The following COL4A5 variants were observed in gnomAD, a reference collection of about 807,000 sequenced individuals.
COL4A5 encodes the protein collagen type IV alpha 5 chain, also known as collagen alpha-5(IV) chain.
Under a neutral mutation model 130.2 loss-of-function variants are expected in COL4A5, and 26 were observed. The observed-to-expected ratio is 0.20, with a 90% CI of 0.15 to 0.28. The LOEUF (loss-of-function observed/expected upper bound fraction) is 0.28, where lower values mean the gene tolerates loss of function less well. Ranked by LOEUF, COL4A5 falls within the 10% of genes least tolerant of loss-of-function variation. The probability of loss-of-function intolerance (pLI) is 1.00; values close to 1 mark genes in which losing one functional copy is unlikely to be tolerated. For missense variants in COL4A5, 1,131 were observed against 1,344.3 expected (o/e 0.84, Z 2.48); for synonymous variants, 496 against 439.6 (o/e 1.13, Z -1.60).
chrX:108,585,829 A>T (rs1360764170), intron 18 of COL4A5, among the ~76,000 whole-genome samples: 1 of 111,448 alleles, frequency 9.0e-6, no homozygotes, highest in Non-Finnish European at 1.9e-5. Context: ...TTTTATTTTT[A>T]AATTTTTTTG....
At chrX:108,654,521 A>G (rs1471745583) in intron 36 of COL4A5, among the ~76,000 whole-genome samples, 1 of 112,598 alleles carries the variant, frequency 8.9e-6, no homozygotes, top group Non-Finnish European at 1.9e-5. Flanking sequence ...TCACGGCTCA[A>G]TATAGCCTTG....
At chrX:108,450,109 TTGAG>T (rs1475491293) in intron 1 of COL4A5, among the ~76,000 whole-genome samples, 1 of 111,925 alleles carries the variant, frequency 8.9e-6, no homozygotes, top group Non-Finnish European at 1.9e-5. Context: ...ATTTTGACCC[TTGAG>T]TGTATGTCTT....
chrX:108,597,270 G>GA, intron 23 of COL4A5, 107 bp from the exon 24 acceptor site: 1 of 889,742 alleles, frequency 1.1e-6, no homozygotes. Flanking sequence ...TGGATGGGTT[G>GA]AAGGGGTAAA....
intron 30 of COL4A5, among the ~76,000 whole-genome samples, chrX:108,616,293 G>A (rs1329978769): frequency 1.8e-5 from 2 of 110,212 alleles, no homozygotes; most frequent in Non-Finnish European, 3.8e-5. Context: ...CCAGGCTGGA[G>A]TGCAATGCTG....
chrX:108,684,505 G>T (rs1227497387), intron 47 of COL4A5, among the ~76,000 whole-genome samples: 1 of 112,274 alleles, frequency 8.9e-6, no homozygotes, highest in African/African-American at 3.2e-5. Flanking sequence ...AAATCTAGAA[G>T]AAATGGATAA....
At chrX:108,596,646 A>G (rs1056829253) in intron 22 of COL4A5, among the ~76,000 whole-genome samples, 5 of 112,090 alleles carry the variant, frequency 4.5e-5, no homozygotes, top group African/African-American at 9.7e-5. Flanking sequence ...CCTTTTCATT[A>G]TCTTTTTTCT....
intron 8 of COL4A5, among the ~76,000 whole-genome samples, chrX:108,573,244 G>A: frequency 9.1e-6 from 1 of 109,362 alleles, no homozygotes; most frequent in Non-Finnish European, 1.9e-5. Flanking sequence ...TATATTGTTA[G>A]CTTTATGAGA....
At chrX:108,478,355 ATGT>A (rs1331496359) in intron 1 of COL4A5, among the ~76,000 whole-genome samples, 1 of 111,133 alleles carries the variant, frequency 9.0e-6, no homozygotes, top group African/African-American at 3.3e-5. Context: ...GTAGAACGTA[ATGT>A]TGTGGGAACA....
At chrX:108,650,143 A>T (rs1229165413) in intron 36 of COL4A5, among the ~76,000 whole-genome samples, 1 of 112,066 alleles carries the variant, frequency 8.9e-6, no homozygotes, top group Non-Finnish European at 1.9e-5. Context: ...AAGAAGATAT[A>T]CAAATGGCCA....
chrX:108,557,925 A>T (rs2065846339), intron 2 of COL4A5, among the ~76,000 whole-genome samples: 1 of 108,937 alleles, frequency 9.2e-6, no homozygotes, highest in Non-Finnish European at 1.9e-5. Flanking sequence ...GGGTTCTTTT[A>T]TATATATATA....
chrX:108,475,929 T>C (rs1188788551), intron 1 of COL4A5, among the ~76,000 whole-genome samples: 1 of 111,813 alleles, frequency 8.9e-6, no homozygotes, highest in African/African-American at 3.3e-5. Flanking sequence ...TATATAGACA[T>C]AAGGATTTCA....
At chrX:108,509,176 A>G (rs1352585536) in intron 1 of COL4A5, among the ~76,000 whole-genome samples, 1 of 112,282 alleles carries the variant, frequency 8.9e-6, no homozygotes, top group South Asian at 3.7e-4. Flanking sequence ...GCATCTGACA[A>G]TGGTCTAATA....
chrX:108,473,633 A>ATATATATATATATATTTTTTT lies in COL4A5; in HGVS notation c.81+33428_81+33429insATATATATATATATTTTTTTT. Among the ~76,000 whole-genome samples, 27 of 34,552 alleles carry ATATATATATATATATTTTTTT rather than the reference A, an allele frequency of 7.8e-4. 1 individual carries two copies. Among genetic ancestry groups the ATATATATATATATATTTTTTT allele is most frequent in the Non-Finnish European group, 9.7e-4 (16 of 16,537 alleles). 30.0% of individuals were successfully genotyped at this position (34,552 alleles called of 115,157 possible). On this transcript the variant is annotated intron_variant, in intron 1 of 52. Coordinates refer to ENST00000328300, the MANE Select transcript of COL4A5 (RefSeq NM_033380.3). ...TATATGTATATATATATATATATAT[A>ATATATATATATATATTTTTTT]TTTTTTTTTTTTTGAGATGAAGTCT...
intron 18 of COL4A5, 34 bp from the exon 19 acceptor site, chrX:108,586,581 C>T: frequency 8.5e-7 from 1 of 1,172,572 alleles, no homozygotes; most frequent in Non-Finnish European, 1.2e-6. Context: ...TTCTTCTTTG[C>T]ATTTCTTTAT....
chrX:108,563,243 G>A (rs769635900), intron 3 of COL4A5, among the ~76,000 whole-genome samples: 2 of 111,130 alleles, frequency 1.8e-5, no homozygotes, highest in South Asian at 7.5e-4. Context: ...AATAGTTAAC[G>A]AAAACTCAGT....
intron 1 of COL4A5, among the ~76,000 whole-genome samples, chrX:108,490,731 A>G (rs1050148601): frequency 9.0e-6 from 1 of 110,978 alleles, no homozygotes; most frequent in Non-Finnish European, 1.9e-5. Context: ...TTTGTTTTAC[A>G]TATTATTACA....
intron 1 of COL4A5, among the ~76,000 whole-genome samples, chrX:108,516,513 A>G (rs1275675935): frequency 8.9e-6 from 1 of 112,032 alleles, no homozygotes; most frequent in Non-Finnish European, 1.9e-5. Context: ...GAGAAAGATA[A>G]TGAAACACAG....
intron 1 of COL4A5, among the ~76,000 whole-genome samples, chrX:108,456,911 G>A (rs141481272): frequency 1.6e-3 from 177 of 111,524 alleles, no homozygotes; most frequent in Non-Finnish European, 3.0e-3. Flanking sequence ...AAGCTAAACC[G>A]GAGAAAGTGC....
chrX:108,605,960 A>AG (rs1329630151), intron 28 of COL4A5, among the ~76,000 whole-genome samples: 2 of 112,120 alleles, frequency 1.8e-5, no homozygotes, highest in Non-Finnish European at 3.8e-5. Context: ...TCTAATGTTA[A>AG]GCTTTCCTGA....
Sources: allele counts gnomAD v4.1 joint callset (sites outside exome capture counted in the v4.1 genomes callset), GRCh38; gene constraint gnomAD v4.1.1; transcripts MANE v1.5; gene names NCBI Gene and HGNC (gene_info 2026-07-23, HGNC 2026-07-21).